HNRNPC: variants seen among roughly 807,000 people sequenced by gnomAD.
HNRNPC encodes the protein heterogeneous nuclear ribonucleoproteins C1/C2.
In HNRNPC, 3 loss-of-function variants were observed where a neutral mutation model predicts 33.2. That is an observed-to-expected ratio of 0.09 (90% CI 0.04 to 0.23). The LOEUF (loss-of-function observed/expected upper bound fraction) is 0.23, where lower values mean the gene tolerates loss of function less well. Ranked by LOEUF, HNRNPC falls within the 10% of genes least tolerant of loss-of-function variation. The probability of loss-of-function intolerance (pLI) is 1.00; values close to 1 mark genes in which losing one functional copy is unlikely to be tolerated. For missense variants in HNRNPC, 143 were observed against 366.7 expected (o/e 0.39, Z 4.98); for synonymous variants, 121 against 126.7 (o/e 0.96, Z 0.30).
At chr14:21,244,073 G>C (rs913301794) in intron 2 of HNRNPC, among the ~76,000 whole-genome samples, 2 of 151,294 alleles carry the variant, frequency 1.3e-5, no homozygotes, top group Admixed American at 1.3e-4. Flanking sequence ...TTGTTGCCCA[G>C]GCTGGATTGC....
chr14:21,229,187 G>A (rs534844454), intron 5 of HNRNPC, among the ~76,000 whole-genome samples: 3 of 151,220 alleles, frequency 2.0e-5, no homozygotes, highest in South Asian at 2.1e-4. Context: ...TCAGGAGATC[G>A]AGATCATCCT....
intron 2 of HNRNPC, among the ~76,000 whole-genome samples, chr14:21,262,183 C>T (rs550306165): frequency 6.6e-6 from 1 of 152,208 alleles, no homozygotes; most frequent in South Asian, 2.1e-4. Context: ...TGGTTTGACT[C>T]TTGTGAAATA....
chr14:21,237,411 G>A lies in HNRNPC; in HGVS notation c.-36-3182C>T, dbSNP rs143012522. Among the ~76,000 whole-genome samples the A allele has an allele frequency of 2.2e-4, 34 of 152,302 alleles. 1 individual carries two copies. The highest frequency in any genetic ancestry group is 7.9e-4 in the African/African-American group (33 of 41,560). On this transcript the variant is annotated intron_variant, in intron 2 of 8. Coordinates refer to ENST00000553300, the MANE Select transcript of HNRNPC (RefSeq NM_004500.4). ...GTTTAAGAATCCACAGTATTAACTTGTAGTTTCCCAGTCTGTATTTTCCAG... is the reference window on the plus strand; with the variant it reads ...GTTTAAGAATCCACAGTATTAACTTATAGTTTCCCAGTCTGTATTTTCCAG...
intron 2 of HNRNPC, among the ~76,000 whole-genome samples, chr14:21,250,980 G>C (rs935455837): frequency 6.6e-6 from 1 of 152,144 alleles, no homozygotes; most frequent in Non-Finnish European, 1.5e-5. Context: ...TTCCATTTCC[G>C]GCCGGGCGCG....
intron 3 of HNRNPC, chr14:21,231,279 G>A (rs181378770): frequency 3.3e-5 from 22 of 665,188 alleles, no homozygotes; most frequent in South Asian, 6.0e-5. Flanking sequence ...CACTACAGGC[G>A]GGCACCACCA....
intron 2 of HNRNPC, among the ~76,000 whole-genome samples, chr14:21,242,013 C>A (rs1037125391): frequency 6.6e-6 from 1 of 152,008 alleles, no homozygotes; most frequent in Non-Finnish European, 1.5e-5. Context: ...CCATCTTTTT[C>A]AAAAATTGGA....
intron 2 of HNRNPC, among the ~76,000 whole-genome samples, chr14:21,245,521 A>G (rs1042649449): frequency 6.6e-6 from 1 of 151,880 alleles, no homozygotes; most frequent in African/African-American, 2.4e-5. Context: ...TATTTCAAAA[A>G]CGGTATACCT....
intron 3 of HNRNPC, among the ~76,000 whole-genome samples, chr14:21,233,249 A>G (rs890491029): frequency 6.6e-6 from 1 of 152,242 alleles, no homozygotes; most frequent in Non-Finnish European, 1.5e-5. Context: ...GGTTGGTTAC[A>G]TAACATTATC....
chr14:21,217,600 A>C (rs1892329703), intron 5 of HNRNPC, among the ~76,000 whole-genome samples: 1 of 152,218 alleles, frequency 6.6e-6, no homozygotes, highest in South Asian at 2.1e-4. Context: ...CACCATAAAC[A>C]TACCTACTAC....
chr14:21,266,708 G>C (rs1207826239), intron 1 of HNRNPC, among the ~76,000 whole-genome samples: 1 of 150,356 alleles, frequency 6.7e-6, no homozygotes, highest in South Asian at 2.1e-4. Context: ...TGCATATTAA[G>C]AGCAAATAAT....
intron 5 of HNRNPC, among the ~76,000 whole-genome samples, chr14:21,225,652 AG>A (rs1193141684): frequency 2.6e-5 from 4 of 152,132 alleles, no homozygotes; most frequent in Non-Finnish European, 4.4e-5. Flanking sequence ...TGATGTAGGT[AG>A]GGTCCACGAG....
intron 2 of HNRNPC, among the ~76,000 whole-genome samples, chr14:21,258,081 C>G (rs774137505): frequency 2.0e-5 from 3 of 151,928 alleles, no homozygotes; most frequent in Non-Finnish European, 2.9e-5. Context: ...GAACTTTAAC[C>G]AAACTAAAAT....
At position 21,213,098 on chromosome 14, in the gene HNRNPC, G is replaced by A; in HGVS notation, c.385C>T (p.Arg129Cys). 6.2e-7 allele frequency: 1 copy of A among 1,614,086 alleles called. No homozygotes were observed. The highest frequency in any genetic ancestry group is 8.5e-7 in the Non-Finnish European group (1 of 1,179,976). The change falls in exon 6 of 9, where the codon CGT (arginine) becomes TGT (cysteine). Residue 129 changes from arginine to cysteine, a missense_variant. By Grantham distance (180) the Arg-to-Cys change is radical (BLOSUM62 -3). Transcript: ENST00000553300. ...GCAATAGGAGGAGGAGGAGGTACAC[G>A]TGCTGGGTAACTGTACATCCTATTG... ...YYDRMYSYPA[R>C]VPPPPPIARA...
intron 6 of HNRNPC, 75 bp downstream of exon 6, chr14:21,212,885 A>AAT: frequency 6.4e-7 from 1 of 1,568,794 alleles, no homozygotes; most frequent in Non-Finnish European, 8.8e-7. Flanking sequence ...GTGGCACAAA[A>AAT]ATATTGTAAC....
chr14:21,266,917 C>A (rs1049739100), intron 1 of HNRNPC, among the ~76,000 whole-genome samples: 4 of 150,404 alleles, frequency 2.7e-5, no homozygotes, highest in Non-Finnish European at 5.9e-5. Context: ...ACGGTGAAAC[C>A]CCGTCTCTAC....
At chr14:21,244,141 C>A (rs943684604) in intron 2 of HNRNPC, among the ~76,000 whole-genome samples, 1 of 151,778 alleles carries the variant, frequency 6.6e-6, no homozygotes, top group African/African-American at 2.4e-5. Context: ...GGACTACAGG[C>A]GCCCGCCACC....
At chr14:21,236,265 T>C (rs945491466) in intron 2 of HNRNPC, 5 of 152,216 alleles carry the variant, frequency 3.3e-5, no homozygotes, top group African/African-American at 9.6e-5. Flanking sequence ...ATTTTCTTTA[T>C]GGTCTGGTTA....
chr14:21,267,392 A>C (rs1236095791), intron 1 of HNRNPC, among the ~76,000 whole-genome samples: 1 of 152,184 alleles, frequency 6.6e-6, no homozygotes, highest in East Asian at 1.9e-4. Flanking sequence ...TTTGGAGTTT[A>C]TTCTTTGCTT....
intron 5 of HNRNPC, among the ~76,000 whole-genome samples, chr14:21,225,943 C>G (rs1302520393): frequency 6.6e-6 from 1 of 151,954 alleles, no homozygotes; most frequent in Non-Finnish European, 1.5e-5. Context: ...AGTATGAAAA[C>G]ACTGCAGTAT....
Sources: allele counts gnomAD v4.1 joint callset (sites outside exome capture counted in the v4.1 genomes callset), GRCh38; gene constraint gnomAD v4.1.1; transcripts MANE v1.5; gene names NCBI Gene and HGNC (gene_info 2026-07-23, HGNC 2026-07-21).